Variants in BIN1 observed in about 807,000 individuals in gnomAD.
The protein encoded by BIN1 is myc box-dependent-interacting protein 1.
A neutral mutation model predicts 82.0 loss-of-function variants in BIN1; 53 were observed. That is an observed-to-expected ratio of 0.65 (90% confidence interval 0.52 to 0.81). The LOEUF is 0.81. Among genes scored for constraint, BIN1 ranks in the 40% least tolerant of loss-of-function variants. The pLI is 0.00. For missense variants in BIN1, 642 were observed against 784.4 expected (o/e 0.82, Z 2.17); for synonymous variants, 302 against 328.0 (o/e 0.92, Z 0.86).
At chr2:127,097,239 A>G (rs1354080805) in intron 1 of BIN1, among the ~76,000 whole-genome samples, 1 of 152,190 alleles carries the variant, frequency 6.6e-6, no homozygotes, top group Non-Finnish European at 1.5e-5. Flanking sequence ...AAAAAGGGTG[A>G]GCGGATCCAC....
chr2:127,105,525 G>A (rs1680981418), intron 1 of BIN1, among the ~76,000 whole-genome samples: 1 of 143,410 alleles, frequency 7.0e-6, no homozygotes, highest in Non-Finnish European at 1.5e-5. Context: ...GGGGGTTGGG[G>A]AGCTGGGTCT....
intron 11 of BIN1, 129 bp downstream of exon 11, chr2:127,058,882 G>A: frequency 7.1e-7 from 1 of 1,400,794 alleles, no homozygotes; most frequent in Non-Finnish European, 9.6e-7. Flanking sequence ...ACCCCCACTG[G>A]GCAAAGCATC....
intron 1 of BIN1, among the ~76,000 whole-genome samples, chr2:127,089,223 G>A (rs1215881588): frequency 1.3e-5 from 2 of 152,156 alleles, no homozygotes; most frequent in African/African-American, 4.8e-5. Context: ...TTTAACCACT[G>A]CACATGCGGC....
At chr2:127,091,191 G>A (rs961994709) in intron 1 of BIN1, among the ~76,000 whole-genome samples, 1 of 152,028 alleles carries the variant, frequency 6.6e-6, no homozygotes. Context: ...TTTAGATAGC[G>A]CCCACCCAGA....
At chr2:127,072,743 A>G (rs1686057754) in intron 2 of BIN1, among the ~76,000 whole-genome samples, 1 of 152,164 alleles carries the variant, frequency 6.6e-6, no homozygotes, top group Admixed American at 6.5e-5. Context: ...CTGAGTGAAG[A>G]AACAGAAGAC....
Position 127,093,831 on chromosome 2 carries a change from C to T in BIN1, c.84+13029G>A, listed in dbSNP as rs905425289. Among the ~76,000 whole-genome samples the T allele has an allele frequency of 1.3e-5, 2 of 152,198 alleles. No homozygotes were observed. Among genetic ancestry groups the T allele is most frequent in the African/African-American group, 4.8e-5 (2 of 41,446 alleles). On this transcript the variant is annotated intron_variant, in intron 1 of 18. Transcript: ENST00000316724. This position sits in a 1 kb window ranked among gnomAD's most constrained non-coding sequence, Gnocchi z 5.7. ...CCGCTCTCTCTGGACAATCCCCTCCCCTTCCTTCCTTCCCAAGGCCTCAAG... is the reference window on the plus strand; with the variant it reads ...CCGCTCTCTCTGGACAATCCCCTCCTCTTCCTTCCTTCCCAAGGCCTCAAG...
intron 1 of BIN1, among the ~76,000 whole-genome samples, chr2:127,084,514 G>C (rs550295658): frequency 1.3e-5 from 2 of 152,148 alleles, no homozygotes; most frequent in Non-Finnish European, 2.9e-5. Flanking sequence ...CCCAGCCCTG[G>C]CATCAGCCAT....
intron 3 of BIN1, 32 bp from the exon 4 acceptor site, chr2:127,070,679 C>T (rs1281405769): frequency 6.2e-7 from 1 of 1,613,842 alleles, no homozygotes; most frequent in Non-Finnish European, 8.5e-7. Flanking sequence ...TGTGGGCCTC[C>T]CACTGATAGC....
intron 10 of BIN1, 76 bp downstream of exon 10, chr2:127,062,039 C>G: frequency 6.6e-7 from 1 of 1,516,552 alleles, no homozygotes; most frequent in Non-Finnish European, 8.9e-7. Context: ...AGGGAGGGCA[C>G]CAACAGGGTC....
intron 1 of BIN1, among the ~76,000 whole-genome samples, chr2:127,104,452 G>A (rs985076453): frequency 7.2e-5 from 11 of 152,268 alleles, no homozygotes; most frequent in East Asian, 1.9e-4. Context: ...TGGGAAGGCC[G>A]GGGGTGAAGG....
At chr2:127,054,285 A>C in intron 12 of BIN1, 2 of 484,878 alleles carry the variant, frequency 4.1e-6, no homozygotes, top group Non-Finnish European at 7.6e-6. Context: ...CCCGCCTCAA[A>C]CTCCCAGTCA....
At chr2:127,091,621 G>T (rs915956838) in intron 1 of BIN1, among the ~76,000 whole-genome samples, 1 of 152,158 alleles carries the variant, frequency 6.6e-6, no homozygotes, top group Non-Finnish European at 1.5e-5. Context: ...GGGCGTGGTG[G>T]TTCATGCCTA....
At chr2:127,078,127 G>C (rs750021482) in intron 1 of BIN1, among the ~76,000 whole-genome samples, 1 of 152,230 alleles carries the variant, frequency 6.6e-6, no homozygotes, top group Non-Finnish European at 1.5e-5. Context: ...CCAGGACACA[G>C]CCAGGACCCT....
At chr2:127,050,760 A>G (rs1466391595) in intron 17 of BIN1, 42 bp downstream of exon 17, 1 of 1,585,170 alleles carries the variant, frequency 6.3e-7, no homozygotes, top group Non-Finnish European at 8.7e-7. Flanking sequence ...TCTGCCCACC[A>G]GGGCACCGAG....
At chr2:127,060,102 G>A (rs970003824) in intron 10 of BIN1, among the ~76,000 whole-genome samples, 17 of 152,156 alleles carry the variant, frequency 1.1e-4, no homozygotes, top group South Asian at 4.1e-4. Context: ...ACCAGTGACC[G>A]AGTCACCTGA....
chr2:127,062,683 G>T (rs1684657796), intron 9 of BIN1, among the ~76,000 whole-genome samples: 1 of 152,200 alleles, frequency 6.6e-6, no homozygotes, highest in African/African-American at 2.4e-5. Flanking sequence ...CCACTAGGGA[G>T]CTCAGAGCCG....
chr2:127,101,982 G>A (rs987361350), intron 1 of BIN1, among the ~76,000 whole-genome samples: 3 of 152,160 alleles, frequency 2.0e-5, no homozygotes, highest in Non-Finnish European at 2.9e-5. Flanking sequence ...TCAAGGTGCC[G>A]CTCTGCCACA....
At chr2:127,089,914 T>G in intron 1 of BIN1, among the ~76,000 whole-genome samples, 1 of 151,684 alleles carries the variant, frequency 6.6e-6, no homozygotes. Context: ...TAGCACTGGA[T>G]TCCCCCCTGC....
intron 14 of BIN1, 111 bp downstream of exon 14, chr2:127,053,311 G>T (rs1683204549): frequency 6.8e-7 from 1 of 1,461,012 alleles, no homozygotes; most frequent in Non-Finnish European, 9.5e-7. Flanking sequence ...CTGCGTGTGG[G>T]GGGTGTGTGG....
Sources: gnomAD v4.1 joint callset for allele counts (sites outside exome capture counted in the v4.1 genomes callset) on GRCh38, gnomAD v4.1.1 for gene constraint, Gnocchi (gnomAD v3.1) non-coding constraint, MANE v1.5 for transcripts, NCBI Gene and HGNC (gene_info 2026-07-23, HGNC 2026-07-21) for gene names.